Variants in OSBPL1A observed in about 807,000 individuals in gnomAD.
OSBPL1A encodes the protein oxysterol binding protein like 1A, also known as oxysterol-binding protein-related protein 1.
A neutral mutation model predicts 137.1 loss-of-function variants in OSBPL1A; 80 were observed. That is an observed-to-expected ratio of 0.58 (90% CI 0.49 to 0.70). The LOEUF (loss-of-function observed/expected upper bound fraction) is 0.70. Among genes scored for constraint, OSBPL1A ranks in the 30% least tolerant of loss-of-function variants. The pLI is 0.00. For missense variants in OSBPL1A, 970 were observed against 1,129.4 expected (o/e 0.86, Z 2.02); for synonymous variants, 365 against 389.7 (o/e 0.94, Z 0.75).
intron 1 of OSBPL1A, among the ~76,000 whole-genome samples, chr18:24,386,971 AC>A (rs1200151666): frequency 6.6e-6 from 1 of 152,020 alleles, no homozygotes; most frequent in Non-Finnish European, 1.5e-5. Context: ...ACATATATAT[AC>A]TTTTTTGAAA....
chr18:24,225,732 T>TGGGAGGACTGATTGAGGAC (rs572099665), intron 16 of OSBPL1A, among the ~76,000 whole-genome samples: 252 of 152,124 alleles, frequency 1.7e-3, no homozygotes, highest in African/African-American at 5.9e-3. Context: ...GAGGCTGGGA[T>TGGGAGGACTGATTGAGGAC]GGGAGGACTG....
chr18:24,222,849 C>T (rs1358471113), intron 17 of OSBPL1A, among the ~76,000 whole-genome samples: 1 of 152,018 alleles, frequency 6.6e-6, no homozygotes, highest in African/African-American at 2.4e-5. Context: ...GTATGTTTCC[C>T]ATGTCTCCCT....
intron 1 of OSBPL1A, among the ~76,000 whole-genome samples, chr18:24,392,124 G>A (rs1907401125): frequency 6.6e-6 from 1 of 152,144 alleles, no homozygotes; most frequent in East Asian, 1.9e-4. Context: ...CCAAAGTGCT[G>A]GGATTACAGG....
intron 7 of OSBPL1A, among the ~76,000 whole-genome samples, chr18:24,320,016 C>T (rs1022497481): frequency 1.3e-5 from 2 of 151,678 alleles, no homozygotes; most frequent in African/African-American, 4.8e-5. Flanking sequence ...TAGCCAGGCA[C>T]GGTGGCATGT....
chr18:24,298,113 C>T (rs1027061529), intron 14 of OSBPL1A, among the ~76,000 whole-genome samples: 1 of 152,144 alleles, frequency 6.6e-6, no homozygotes, highest in Admixed American at 6.5e-5. Context: ...GACCTCTGGT[C>T]ATCCTCACTG....
chr18:24,189,783 G>A (rs932555786), intron 18 of OSBPL1A, among the ~76,000 whole-genome samples: 1 of 152,150 alleles, frequency 6.6e-6, no homozygotes, highest in African/African-American at 2.4e-5. Flanking sequence ...AGCTGCCTGC[G>A]GCCGCTCTGG....
chr18:24,218,227 A>G (rs2087768679), intron 17 of OSBPL1A: 1 of 152,216 alleles, frequency 6.6e-6, no homozygotes, highest in African/African-American at 2.4e-5. Flanking sequence ...TGATAATAGT[A>G]CTGTGGTTTA....
intron 4 of OSBPL1A, among the ~76,000 whole-genome samples, chr18:24,346,483 A>G (rs1242876266): frequency 6.6e-6 from 1 of 152,128 alleles, no homozygotes; most frequent in African/African-American, 2.4e-5. Flanking sequence ...TCCCCTCCTC[A>G]TAATCCCCTA....
In OSBPL1A at chr18:24,346,909, T is replaced by TTTTA. The variant is rs1362167877; in HGVS notation, c.283-5252_283-5251insTAAA. ...AGGCACATGCCACTGTGCCTAGCTATTTTTTTTTTTTTTCATTTTTTGTAG... is the reference window on the plus strand; with the variant it reads ...AGGCACATGCCACTGTGCCTAGCTATTTTATTTTTTTTTTTTTCATTTTTTGTAG... On this transcript the variant is annotated intron_variant, in intron 4 of 27. Transcript: ENST00000319481. 6.1e-4 allele frequency among the ~76,000 whole-genome samples: 10 copies of TTTTA among 16,322 alleles called. No homozygotes were observed. In the African/African-American group the frequency reaches 6.3e-3, roughly 10 times the overall value. 10.7% of individuals were successfully genotyped at this position (16,322 alleles called of 152,430 possible).
intron 15 of OSBPL1A, among the ~76,000 whole-genome samples, chr18:24,273,461 A>G (rs928873292): frequency 2.6e-5 from 4 of 152,202 alleles, no homozygotes; most frequent in African/African-American, 9.7e-5. Context: ...ACTGTACTGA[A>G]GCACCTCACA....
Position 24,308,699 on chromosome 18 carries a change from T to C in OSBPL1A, c.1092+3285A>G, listed in dbSNP as rs1015749984. Among the ~76,000 whole-genome samples the C allele has an allele frequency of 5.9e-5, 9 of 152,326 alleles. No individual in the cohort carries two copies. In the East Asian group the frequency reaches 1.7e-3, roughly 29 times the overall value. ...TCTATATCTTCGCTGTCCGTTGTGG[T>C]AGCCACATGTGGCTACTGAGCACTT... On this transcript the variant is annotated intron_variant, in intron 13 of 27. Transcript: ENST00000319481.
intron 15 of OSBPL1A, among the ~76,000 whole-genome samples, chr18:24,259,915 T>C (rs965488188): frequency 2.6e-5 from 4 of 152,188 alleles, no homozygotes; most frequent in African/African-American, 9.7e-5. Flanking sequence ...AGGAAGTATT[T>C]GCAAATCATA....
At chr18:24,192,363 C>T (rs1748958754) in intron 18 of OSBPL1A, among the ~76,000 whole-genome samples, 1 of 152,024 alleles carries the variant, frequency 6.6e-6, no homozygotes, top group African/African-American at 2.4e-5. Context: ...GGGAAACAAG[C>T]AGAAAGAAAT....
chr18:24,337,109 C>G (rs2146148166), intron 5 of OSBPL1A, among the ~76,000 whole-genome samples: 1 of 152,256 alleles, frequency 6.6e-6, no homozygotes, highest in South Asian at 2.1e-4. Context: ...ATGCTTCTGA[C>G]AGAAATACAT....
At chr18:24,352,264 C>T (rs750618242) in intron 4 of OSBPL1A, among the ~76,000 whole-genome samples, 9 of 151,836 alleles carry the variant, frequency 5.9e-5, no homozygotes, top group Non-Finnish European at 8.8e-5. Context: ...ATTGTGCCAC[C>T]GCACTCCAGC....
chr18:24,231,810 C>T (rs1208130381), intron 16 of OSBPL1A, among the ~76,000 whole-genome samples: 1 of 152,130 alleles, frequency 6.6e-6, no homozygotes, highest in Non-Finnish European at 1.5e-5. Flanking sequence ...TTAATTTTTC[C>T]TACTATTAAA....
chr18:24,176,475 T>C (rs555939232), intron 21 of OSBPL1A, among the ~76,000 whole-genome samples: 1 of 133,774 alleles, frequency 7.5e-6, no homozygotes, highest in East Asian at 2.0e-4. Flanking sequence ...AATACTTCTA[T>C]TTTTTTTTTT....
intron 14 of OSBPL1A, among the ~76,000 whole-genome samples, chr18:24,294,705 T>G (rs1159214085): frequency 1.3e-5 from 2 of 152,228 alleles, no homozygotes; most frequent in Admixed American, 6.5e-5. Context: ...CTTAGAATAA[T>G]GGCCTCCAGC....
chr18:24,201,760 TA>T (rs1298405162), intron 17 of OSBPL1A, among the ~76,000 whole-genome samples: 220 of 142,352 alleles, frequency 1.5e-3, no homozygotes, highest in Middle Eastern at 3.5e-3. Context: ...AAGAGTCCAT[TA>T]AAAAAAAAAA....
Sources: allele counts gnomAD v4.1 joint callset (sites outside exome capture counted in the v4.1 genomes callset), GRCh38; gene constraint gnomAD v4.1.1; transcripts MANE v1.5; gene names NCBI Gene and HGNC (gene_info 2026-07-23, HGNC 2026-07-21).